The following MANBAL variants were observed in gnomAD, a reference collection of about 807,000 sequenced individuals.
The protein encoded by MANBAL is mannosidase beta like, also known as protein MANBAL.
In MANBAL, 1 loss-of-function variant was observed where a neutral mutation model predicts 6.4. The observed-to-expected ratio is 0.16, with a 90% confidence interval of 0.06 to 0.74. MANBAL has a LOEUF of 0.74. MANBAL is among the 30% of genes least tolerant of loss of function. The pLI is 0.78. For missense variants in MANBAL, 100 were observed against 107.8 expected, an observed-to-expected ratio of 0.93 and a Z score of 0.32; for synonymous variants, 47 against 45.8, an observed-to-expected ratio of 1.03 and a Z score of -0.10.
intron 1 of MANBAL, among the ~76,000 whole-genome samples, chr20:37,296,517 T>C (rs1161548170): frequency 6.6e-6 from 1 of 152,198 alleles, no homozygotes; most frequent in Non-Finnish European, 1.5e-5. Flanking sequence ...ACACAATGTT[T>C]ATATTTGCCG....
In MANBAL at chr20:37,316,556, G is replaced by T. The variant is rs1176166801; in HGVS notation, c.*141G>T. 1.3e-5 allele frequency: 8 copies of T among 610,594 alleles called. No homozygotes were observed. The highest frequency in any genetic ancestry group is 2.3e-5 in the Non-Finnish European group (8 of 352,966). 37.8% of individuals were successfully genotyped at this position (610,594 alleles called of 1,614,324 possible). On this transcript the variant is annotated 3_prime_UTR_variant, in exon 3 of 3. Coordinates refer to ENST00000373606, the MANE Select transcript of MANBAL (RefSeq NM_001003897.2). ...CCCTATGACCGCAGAGATCTAGACA[G>T]TCGTAACAGTCCCCAGGCTCCAGCT... is the stretch of plus-strand genomic sequence containing the variant.
At chr20:37,290,756 G>C (rs922069600) in intron 1 of MANBAL, among the ~76,000 whole-genome samples, 8 of 152,060 alleles carry the variant, frequency 5.3e-5, no homozygotes, top group Admixed American at 1.3e-4. Flanking sequence ...ACCACACCCG[G>C]CTTTTTTTTC....
chr20:37,292,638 A>G (rs972590448), intron 1 of MANBAL, among the ~76,000 whole-genome samples: 1 of 152,312 alleles, frequency 6.6e-6, no homozygotes, highest in South Asian at 2.1e-4. Context: ...TTTATTTTAT[A>G]CTTTGGACCA....
intron 2 of MANBAL, among the ~76,000 whole-genome samples, chr20:37,312,280 A>G (rs1336817081): frequency 2.0e-5 from 3 of 152,168 alleles, no homozygotes; most frequent in Non-Finnish European, 2.9e-5. Context: ...GTTGTAGGTG[A>G]CCCATTGACA....
At chr20:37,294,843 A>C (rs1345109491) in intron 1 of MANBAL, among the ~76,000 whole-genome samples, 5 of 152,234 alleles carry the variant, frequency 3.3e-5, no homozygotes, top group Non-Finnish European at 1.5e-5. Context: ...AGTGCCTGGC[A>C]CATAGTAGAT....
intron 2 of MANBAL, among the ~76,000 whole-genome samples, chr20:37,311,455 T>C (rs2069385384): frequency 6.6e-6 from 1 of 152,178 alleles, no homozygotes. Context: ...GGGATTGTTG[T>C]TGTCATTGTT....
At chr20:37,307,469 ATTATT>A (rs1261604075) in intron 2 of MANBAL, among the ~76,000 whole-genome samples, 1 of 152,166 alleles carries the variant, frequency 6.6e-6, no homozygotes, top group Non-Finnish European at 1.5e-5. Flanking sequence ...AGACCTGACA[ATTATT>A]TTATTAACAG....
rs570122518 is a variant in MANBAL at position 37,300,700 on chromosome 20, A to G, written c.-56-508A>G. On this transcript the variant is annotated intron_variant, in intron 1 of 2. Coordinates refer to ENST00000373606, the MANE Select transcript of MANBAL (RefSeq NM_001003897.2). ...CCTTTGCATTTATTTATTTTTCTCAACTTTATGTTTGGAAAACATCAGATA... is the reference window on the plus strand; with the variant it reads ...CCTTTGCATTTATTTATTTTTCTCAGCTTTATGTTTGGAAAACATCAGATA... 3.3e-5 allele frequency among the ~76,000 whole-genome samples: 5 copies of G among 152,330 alleles called. No individual in the cohort carries two copies. The South Asian group carries it at 1.0e-3, about 32-fold the overall frequency.
At chr20:37,305,341 G>A (rs2069233168) in intron 2 of MANBAL, among the ~76,000 whole-genome samples, 1 of 151,774 alleles carries the variant, frequency 6.6e-6, no homozygotes, top group East Asian at 1.9e-4. Flanking sequence ...CAGGGAGGCT[G>A]CTCACCTCCT....
intron 2 of MANBAL, among the ~76,000 whole-genome samples, chr20:37,315,045 A>G (rs1390035840): frequency 2.0e-5 from 3 of 152,176 alleles, no homozygotes; most frequent in African/African-American, 7.2e-5. Flanking sequence ...AATAAAGAAC[A>G]TGGGCACTGA....
rs189879467 is a variant in MANBAL, at chr20:37,300,825, T to G, written c.-56-383T>G. On this transcript the variant is annotated intron_variant, in intron 1 of 2. Transcript: ENST00000373606. ...CACAATTCCTGTATATATTCTTGGG[T>G]GTGTGTGTGTGTGTTCAAGTTAAAA... 1.8e-4 allele frequency among the ~76,000 whole-genome samples: 27 copies of G among 151,842 alleles called. No homozygotes were observed. The East Asian group carries it at 3.7e-3, about 21-fold the overall frequency.
intron 2 of MANBAL, among the ~76,000 whole-genome samples, chr20:37,311,169 G>C (rs6032729): frequency 0.33 from 50,285 of 152,110 alleles, 9,156 homozygotes; most frequent in African/African-American, 0.48. Context: ...ATGGCACACA[G>C]CCACTAAGTG....
intron 1 of MANBAL, among the ~76,000 whole-genome samples, chr20:37,294,586 C>T (rs916884768): frequency 1.3e-5 from 2 of 152,268 alleles, no homozygotes; most frequent in Non-Finnish European, 2.9e-5. Context: ...AGGGACTTGG[C>T]CCTTGCCGTC....
At chr20:37,297,803 C>T (rs112545946) in intron 1 of MANBAL, among the ~76,000 whole-genome samples, 2,228 of 152,138 alleles carry the variant, frequency 0.015, 25 homozygotes, top group Middle Eastern at 0.048. Context: ...CCACCATGTC[C>T]GGCTAATTTT....
At chr20:37,297,600 A>C (rs1362361551) in intron 1 of MANBAL, 1 of 151,866 alleles carries the variant, frequency 6.6e-6, no homozygotes, top group Non-Finnish European at 1.5e-5. Context: ...CATGTTGGAA[A>C]CATGGTGCAA....
At position 37,311,996 on chromosome 20, in the gene MANBAL, A is replaced by AC. The variant is rs200855753; in HGVS notation, c.151-4310dup. Among the ~76,000 whole-genome samples the AC allele has an allele frequency of 7.4e-3, 1,127 of 152,186 alleles. 16 individuals are homozygous for AC. Among genetic ancestry groups the AC allele is most frequent in the African/African-American group, 0.025 (1,022 of 41,524 alleles). ...GCCCGTTGGAAAGCGGAATGGACAG[A>AC]CCTTGGGGACAGGTTGGATGCTGAG... is the stretch of plus-strand genomic sequence containing the variant. On this transcript the variant is annotated intron_variant, in intron 2 of 2. Coordinates refer to ENST00000373606, the MANE Select transcript of MANBAL (RefSeq NM_001003897.2).
intron 1 of MANBAL, among the ~76,000 whole-genome samples, chr20:37,290,216 A>G (rs575832840): frequency 6.6e-6 from 1 of 152,248 alleles, no homozygotes; most frequent in Non-Finnish European, 1.5e-5. Flanking sequence ...AATGAATATG[A>G]GAAACATTTT....
intron 2 of MANBAL, among the ~76,000 whole-genome samples, chr20:37,306,424 A>G (rs2069260028): frequency 6.6e-6 from 1 of 152,192 alleles, no homozygotes; most frequent in South Asian, 2.1e-4. Flanking sequence ...GAACACATAC[A>G]AATGCTTCCC....
intron 2 of MANBAL, among the ~76,000 whole-genome samples, chr20:37,305,846 G>C (rs190627200): frequency 1.1e-4 from 16 of 152,046 alleles, no homozygotes; most frequent in African/African-American, 3.9e-4. Flanking sequence ...TCTCACTTCC[G>C]AAACTCCTAA....
Sources: allele counts gnomAD v4.1 joint callset (sites outside exome capture counted in the v4.1 genomes callset), GRCh38; gene constraint gnomAD v4.1.1; transcripts MANE v1.5; gene names NCBI Gene and HGNC (gene_info 2026-07-23, HGNC 2026-07-21).